Variants in ARHGAP36 observed in about 807,000 individuals in gnomAD.
The protein encoded by ARHGAP36 is rho GTPase-activating protein 36.
ARHGAP36 carries 7 observed loss-of-function variants against 32.9 expected under a neutral mutation model. The observed-to-expected ratio is 0.21, with a 90% CI of 0.12 to 0.40. The LOEUF (loss-of-function observed/expected upper bound fraction) is 0.40, where lower values mean the gene tolerates loss of function less well. Among genes scored for constraint, ARHGAP36 ranks in the 10% least tolerant of loss-of-function variants. The probability of loss-of-function intolerance (pLI) is 1.00; values close to 1 mark genes in which losing one functional copy is unlikely to be tolerated. For missense variants in ARHGAP36, 383 were observed against 442.2 expected, an observed-to-expected ratio of 0.87 and a Z score of 1.20; for synonymous variants, 165 against 168.3, an observed-to-expected ratio of 0.98 and a Z score of 0.15.
At position 131,083,918 on chromosome X, in the gene ARHGAP36, C is replaced by A; in HGVS notation, c.504C>A (p.Arg168=). ...VFGRIRRFFS[R]RRNEPTLPRE... is the part of the protein sequence containing the mutation. The stretch of plus-strand genomic sequence containing the variant: ...GCCGCATCCGGCGCTTTTTCAGTCG[C>A]AGGCGGAATGAGCCCACCTTGCCCC... The change falls in exon 4 of 12, where the codon CGC becomes CGA. Residue 168 remains arginine (R), a synonymous_variant. Coordinates refer to ENST00000276211, the MANE Select transcript of ARHGAP36 (RefSeq NM_144967.4). 8.3e-7 allele frequency: 1 copy of A among 1,211,944 alleles called. No individual in the cohort carries two copies. Among genetic ancestry groups the A allele is most frequent in the East Asian group, 3.0e-5 (1 of 33,822 alleles).
chrX:131,076,580 G>T (rs1319386669), intron 1 of ARHGAP36, among the ~76,000 whole-genome samples: 3 of 112,403 alleles, frequency 2.7e-5, no homozygotes, highest in African/African-American at 9.7e-5. Context: ...GACCTACCCT[G>T]GCTTATGGAA....
rs1369297891 is a variant in ARHGAP36 at position 131,060,919 on chromosome X, G to A, written c.-143+2475G>A. Among the ~76,000 whole-genome samples the A allele has an allele frequency of 2.7e-5, 3 of 112,463 alleles. No individual in the cohort carries two copies. The Admixed American group carries it at 2.8e-4, about 11-fold the overall frequency. On this transcript the variant is annotated intron_variant, in intron 1 of 11. Coordinates refer to ENST00000276211, the MANE Select transcript of ARHGAP36 (RefSeq NM_144967.4). ...CTCCCCCTGAGAAATGCTGTACAAT[G>A]TGAAGGGTAACTTTGTGGGTAACTA...
In ARHGAP36 at chrX:131,086,293, T is replaced by C. The variant is rs375813836; in HGVS notation, c.1282-36T>C. On this transcript the variant is annotated intron_variant, in intron 9 of 11. Coordinates refer to ENST00000276211, the MANE Select transcript of ARHGAP36 (RefSeq NM_144967.4). ...GATGAGTATAAATGAAAAGGTGCTG[T>C]GTAATGATGGCTAATGTTGCTAATT... The C allele has an allele frequency of 2.5e-6, 3 of 1,184,062 alleles. No individual in the cohort carries two copies. The African/African-American group carries it at 5.2e-5, about 21-fold the overall frequency.
chrX:131,068,872 G>C (rs1376111003), intron 1 of ARHGAP36, among the ~76,000 whole-genome samples: 1 of 111,708 alleles, frequency 9.0e-6, no homozygotes, highest in African/African-American at 3.3e-5. Flanking sequence ...AAGGGCAATG[G>C]CTATTAGAAA....
chrX:131,073,537 T>C (rs767909719), intron 1 of ARHGAP36, among the ~76,000 whole-genome samples: 1 of 112,505 alleles, frequency 8.9e-6, no homozygotes, highest in Admixed American at 9.3e-5. Flanking sequence ...GGCTTGGGGG[T>C]GGTGGGCTCT....
intron 1 of ARHGAP36, among the ~76,000 whole-genome samples, chrX:131,065,041 T>TTGTG (rs35681413): frequency 3.9e-5 from 4 of 103,398 alleles, no homozygotes; most frequent in African/African-American, 7.1e-5. Flanking sequence ...GTGTGTGTGT[T>TTGTG]TGTGTGTGTG....
chrX:131,074,983 A>G, intron 1 of ARHGAP36, among the ~76,000 whole-genome samples: 1 of 112,548 alleles, frequency 8.9e-6, no homozygotes, highest in Non-Finnish European at 1.9e-5. Flanking sequence ...ATCTTATCCC[A>G]TCTAGAAGTG....
At chrX:131,066,333 A>G (rs993892832) in intron 1 of ARHGAP36, among the ~76,000 whole-genome samples, 2 of 110,498 alleles carry the variant, frequency 1.8e-5, no homozygotes, top group African/African-American at 3.3e-5. Context: ...TCATTCTGTT[A>G]CTCCACCCTG....
At chrX:131,085,101 G>A in intron 7 of ARHGAP36, 37 bp downstream of exon 7, 2 of 1,188,884 alleles carry the variant, frequency 1.7e-6, no homozygotes, top group Non-Finnish European at 2.3e-6. Context: ...GCAAGGAAAG[G>A]AAATATTACT....
Position 131,084,209 on chromosome X carries a change from C to T in ARHGAP36, c.556-6C>T. 7.6e-6 allele frequency: 9 copies of T among 1,189,172 alleles called. No individual in the cohort carries two copies. Among genetic ancestry groups the T allele is most frequent in the Non-Finnish European group, 9.0e-6 (8 of 886,890 alleles). On this transcript the variant is annotated splice_polypyrimidine_tract_variant and splice_region_variant and intron_variant, in intron 4 of 11. Coordinates refer to ENST00000276211, the MANE Select transcript of ARHGAP36 (RefSeq NM_144967.4). Reference sequence around the variant, plus strand: ...CCATTTTAAGATAATCTGGATTTCTCCACAGGGTGCAGTGTCTGTGGATAG... The same window carrying T: ...CCATTTTAAGATAATCTGGATTTCTTCACAGGGTGCAGTGTCTGTGGATAG...
At chrX:131,078,116 TAA>T (rs1040820947) in intron 1 of ARHGAP36, among the ~76,000 whole-genome samples, 1 of 111,123 alleles carries the variant, frequency 9.0e-6, no homozygotes, top group African/African-American at 3.3e-5. Flanking sequence ...ATTTTTTTTG[TAA>T]ACTCCAGCCC....
chrX:131,058,466 G>T, intron 1 of ARHGAP36, 22 bp downstream of exon 1: 2 of 1,019,751 alleles, frequency 2.0e-6, no homozygotes. Context: ...CCACCGAGTC[G>T]GGGGGCTGGG....
At chrX:131,059,337 C>T (rs2079656661) in intron 1 of ARHGAP36, among the ~76,000 whole-genome samples, 1 of 108,459 alleles carries the variant, frequency 9.2e-6, no homozygotes, top group Admixed American at 9.8e-5. Context: ...TAATAAGCCC[C>T]ACCCCCTTCA....
In ARHGAP36 at chrX:131,086,626, C is replaced by G; in HGVS notation, c.1447C>G (p.Arg483Gly). 1 of 1,211,849 alleles carries G rather than the reference C, an allele frequency of 8.3e-7. No homozygotes were observed. Among genetic ancestry groups the G allele is most frequent in the African/African-American group, 1.7e-5 (1 of 57,805 alleles). The change falls in exon 11 of 12, where the codon CGG becomes GGG. Residue 483 changes from arginine (R) to glycine (G), a missense_variant. By Grantham distance (125) the Arg-to-Gly change is moderately radical. Coordinates refer to ENST00000276211, the MANE Select transcript of ARHGAP36 (RefSeq NM_144967.4). ...SDPVETSAEA[R>G]AAVLAQSKPS... The stretch of plus-strand genomic sequence containing the variant: ...TCCAGTGGAAACCTCTGCTGAAGCC[C>G]GGGCTGCTGTCCTTGCTCAAAGCAA...
chrX:131,073,686 C>G (rs961733697), intron 1 of ARHGAP36, among the ~76,000 whole-genome samples: 3 of 111,492 alleles, frequency 2.7e-5, no homozygotes, highest in African/African-American at 9.8e-5. Context: ...ATAAATTATG[C>G]CAGTATGTTT....
At chrX:131,069,592 G>T (rs903914420) in intron 1 of ARHGAP36, among the ~76,000 whole-genome samples, 1 of 111,783 alleles carries the variant, frequency 8.9e-6, no homozygotes, top group Admixed American at 9.4e-5. Context: ...TGGCAGGGGG[G>T]ACATGGCCAC....
At chrX:131,076,010 G>T (rs763982403) in intron 1 of ARHGAP36, among the ~76,000 whole-genome samples, 5 of 111,838 alleles carry the variant, frequency 4.5e-5, no homozygotes, top group Non-Finnish European at 9.4e-5. Context: ...GTTATTGTAA[G>T]AATAAAGTGG....
At chrX:131,060,137 C>T (rs1436557911) in intron 1 of ARHGAP36, among the ~76,000 whole-genome samples, 1 of 111,494 alleles carries the variant, frequency 9.0e-6, no homozygotes, top group Non-Finnish European at 1.9e-5. Context: ...CTAGGCCAAA[C>T]TTCCCCAGTT....
intron 1 of ARHGAP36, among the ~76,000 whole-genome samples, chrX:131,075,873 G>C (rs1235885994): frequency 4.5e-5 from 5 of 111,257 alleles, no homozygotes; most frequent in African/African-American, 1.6e-4. Context: ...AGGGAGAGCT[G>C]GTTCCCAGAT....
Sources: gnomAD v4.1 joint callset for allele counts (sites outside exome capture counted in the v4.1 genomes callset) on GRCh38, gnomAD v4.1.1 for gene constraint, MANE v1.5 for transcripts, NCBI Gene and HGNC (gene_info 2026-07-23, HGNC 2026-07-21) for gene names.